JKAMP: variants seen among roughly 807,000 people sequenced by gnomAD.
JKAMP encodes JNK1/MAPK8 associated membrane protein.
JKAMP carries 20 observed loss-of-function variants against 40.2 expected under a neutral mutation model. The observed-to-expected ratio is 0.50, with a 90% CI of 0.35 to 0.72. JKAMP has a LOEUF of 0.72. Ranked by LOEUF, JKAMP falls within the 30% of genes least tolerant of loss-of-function variation. JKAMP has a pLI of 0.01. For synonymous variants in JKAMP, 138 were observed against 131.6 expected (o/e 1.05, Z -0.33); for missense variants, 276 against 373.0 (o/e 0.74, Z 2.14).
intron 4 of JKAMP, among the ~76,000 whole-genome samples, chr14:59,497,255 TTAAGAA>T (rs1891519389): frequency 6.6e-6 from 1 of 152,172 alleles, no homozygotes; most frequent in Non-Finnish European, 1.5e-5. Context: ...TACTAAAACT[TTAAGAA>T]TGAGTTATGG....
intron 6 of JKAMP, among the ~76,000 whole-genome samples, chr14:59,503,606 A>C (rs1329607106): frequency 6.6e-6 from 1 of 152,178 alleles, no homozygotes; most frequent in Non-Finnish European, 1.5e-5. Flanking sequence ...AGGACTTAAG[A>C]GACATGATGA....
chr14:59,487,436 G>A (rs1413347938), intron 2 of JKAMP: 5 of 351,858 alleles, frequency 1.4e-5, no homozygotes, highest in Non-Finnish European at 2.6e-5. Flanking sequence ...TTCATTGAAT[G>A]TTAGTCAACT....
At chr14:59,485,265 C>A in intron 1 of JKAMP, 1 of 674,828 alleles carries the variant, frequency 1.5e-6, no homozygotes, top group Non-Finnish European at 2.3e-6. Flanking sequence ...AATTCCTTAC[C>A]TTCTGCATTC....
intron 1 of JKAMP, chr14:59,485,152 C>G: frequency 6.3e-7 from 1 of 1,593,324 alleles, no homozygotes; most frequent in Non-Finnish European, 8.5e-7. Context: ...TTCAGTTTAT[C>G]ATACTGGTTT....
intron 4 of JKAMP, among the ~76,000 whole-genome samples, chr14:59,497,216 A>C (rs1891516595): frequency 6.6e-6 from 1 of 152,192 alleles, no homozygotes; most frequent in South Asian, 2.1e-4. Flanking sequence ...CTATCATTAT[A>C]ACTTACTGCA....
chr14:59,496,654 T>C (rs914861375), intron 4 of JKAMP, among the ~76,000 whole-genome samples: 2 of 152,228 alleles, frequency 1.3e-5, no homozygotes, highest in Non-Finnish European at 2.9e-5. Context: ...TTTCTGCTGA[T>C]TTGAGTGTAG....
chr14:59,485,039 C>G (rs765472472), intron 1 of JKAMP: 1 of 1,598,216 alleles, frequency 6.3e-7, no homozygotes, highest in Non-Finnish European at 8.5e-7. Flanking sequence ...AAAATGGAAT[C>G]TTAAAACTTT....
chr14:59,493,950 G>A (rs1301451723), intron 3 of JKAMP, among the ~76,000 whole-genome samples: 1 of 152,176 alleles, frequency 6.6e-6, no homozygotes, highest in African/African-American at 2.4e-5. Flanking sequence ...TGGGAAGGTA[G>A]GGGTGGGAAG....
rs1891559299 is a variant in JKAMP at position 59,497,760 on chromosome 14, A to C, written c.459-967A>C. 1.3e-5 allele frequency among the ~76,000 whole-genome samples: 2 copies of C among 152,168 alleles called. 1 individual carries two copies. Among genetic ancestry groups the C allele is most frequent in the South Asian group, 4.1e-4 (2 of 4,830 alleles). ...TCACCCAAGAGATCAAACATGTACT[A>C]ATGCATTACTGTACAGGACTGAACC... On this transcript the variant is annotated intron_variant, in intron 4 of 6. Transcript: ENST00000616435.
intron 1 of JKAMP, 146 bp downstream of exon 1, chr14:59,484,739 C>A: frequency 9.2e-7 from 1 of 1,087,920 alleles, no homozygotes; most frequent in Non-Finnish European, 1.3e-6. Flanking sequence ...TCGGGCCGGG[C>A]TCCGCACTCC....
chr14:59,484,588 C>A lies in JKAMP; in HGVS notation c.-2C>A. On this transcript the variant is annotated 5_prime_UTR_variant, in exon 1 of 7. Transcript: ENST00000616435. Reference sequence around the variant, plus strand: ...TTCTCGAAAAAAACCTTCAGGCGGCCCATGGGTGAGTGGTCGCCAAGATCC... The same window carrying A: ...TTCTCGAAAAAAACCTTCAGGCGGCACATGGGTGAGTGGTCGCCAAGATCC... 1.3e-6 allele frequency: 2 copies of A among 1,577,912 alleles called. No individual in the cohort carries two copies. Among genetic ancestry groups the A allele is most frequent in the East Asian group, 2.3e-5 (1 of 42,770 alleles).
At chr14:59,502,083 C>A (rs1891923351) in intron 6 of JKAMP, among the ~76,000 whole-genome samples, 1 of 152,106 alleles carries the variant, frequency 6.6e-6, no homozygotes, top group Non-Finnish European at 1.5e-5. Flanking sequence ...AAAATGTATT[C>A]ATTAAACTTT....
chr14:59,486,457 G>A (rs1890580665), intron 1 of JKAMP, among the ~76,000 whole-genome samples: 1 of 152,158 alleles, frequency 6.6e-6, no homozygotes, highest in Admixed American at 6.5e-5. Context: ...TTTGAGTCCT[G>A]GAGATAGATC....
At chr14:59,485,056 C>G (rs1566570997) in intron 1 of JKAMP, 2 of 1,598,360 alleles carry the variant, frequency 1.3e-6, no homozygotes, top group South Asian at 2.2e-5. Context: ...CTTTAGCCAT[C>G]GTTCGCTAAA....
intron 5 of JKAMP, chr14:59,500,936 C>T: frequency 2.6e-6 from 1 of 389,432 alleles, no homozygotes; most frequent in Non-Finnish European, 4.6e-6. Flanking sequence ...TGTATGTATT[C>T]TCTATGGCTG....
At chr14:59,494,942 A>T (rs1891326606) in intron 3 of JKAMP, 76 bp from the exon 4 acceptor site, 3 of 999,172 alleles carry the variant, frequency 3.0e-6, no homozygotes, top group Non-Finnish European at 3.1e-6. Flanking sequence ...CTGTATCTTG[A>T]CACATGTACA....
At chr14:59,489,267 G>A (rs1452146629) in intron 3 of JKAMP, among the ~76,000 whole-genome samples, 2 of 152,198 alleles carry the variant, frequency 1.3e-5, no homozygotes, top group Non-Finnish European at 2.9e-5. Flanking sequence ...AGCAGCCACA[G>A]CACATCTTGG....
At chr14:59,496,964 C>T (rs547389932) in intron 4 of JKAMP, among the ~76,000 whole-genome samples, 4 of 121,798 alleles carry the variant, frequency 3.3e-5, no homozygotes, top group East Asian at 4.0e-4. Context: ...TAAGCACTTC[C>T]GAAGGTTGTA....
At position 59,486,713 on chromosome 14, in the gene JKAMP, C is replaced by A; in HGVS notation, c.5C>A (p.Ala2Asp). The A allele has an allele frequency of 6.3e-7, 1 of 1,576,010 alleles. No homozygotes were observed. Among genetic ancestry groups the A allele is most frequent in the Admixed American group, 1.8e-5 (1 of 54,938 alleles). The change falls in exon 2 of 7, where the codon GCT becomes GAT. Residue 2 changes from alanine (A) to aspartate (D), a missense_variant and splice_region_variant. Ala to Asp is a moderately radical substitution (Grantham distance 126, BLOSUM62 -2). Coordinates refer to ENST00000616435, the MANE Select transcript of JKAMP (RefSeq NM_016475.5). Reference sequence around the variant, plus strand: ...TATACTGGCATTTGTTTTTAAAAAGCTGTCGATATTCAACCAGCATGCCTT... The same window carrying A: ...TATACTGGCATTTGTTTTTAAAAAGATGTCGATATTCAACCAGCATGCCTT... M[A>D]VDIQPACLGL...
Sources: allele counts gnomAD v4.1 joint callset (sites outside exome capture counted in the v4.1 genomes callset), GRCh38; gene constraint gnomAD v4.1.1; transcripts MANE v1.5; gene names NCBI Gene and HGNC (gene_info 2026-07-23, HGNC 2026-07-21).